TSC2: variants seen among roughly 807,000 people sequenced by gnomAD.
TSC2 encodes the protein TSC complex subunit 2, also known as tuberin.
In TSC2, 29 loss-of-function variants were observed where a neutral mutation model predicts 202.2. The ratio of observed to expected loss-of-function variants is 0.14; its 90% CI spans 0.11 to 0.20. The LOEUF (loss-of-function observed/expected upper bound fraction) is 0.20, where lower values mean the gene tolerates loss of function less well. Ranked by LOEUF, TSC2 falls within the 10% of genes least tolerant of loss-of-function variation. The probability of loss-of-function intolerance (pLI) is 1.00; values close to 1 mark genes in which losing one functional copy is unlikely to be tolerated. For synonymous variants in TSC2, 1,349 were observed against 1,044.0 expected, an observed-to-expected ratio of 1.29 and a Z score of -5.63; for missense variants, 2,429 against 2,420.0, an observed-to-expected ratio of 1.00 and a Z score of -0.08.
chr16:2,080,533 GAACGC>G, intron 30 of TSC2, 156 bp downstream of exon 30: 1 of 838,544 alleles, frequency 1.2e-6, no homozygotes, highest in Non-Finnish European at 1.8e-6. Context: ...GCCCACGCTG[GAACGC>G]AGTGGCGCAA....
At chr16:2,060,201 G>A (rs1009690945) in intron 10 of TSC2, among the ~76,000 whole-genome samples, 1 of 152,208 alleles carries the variant, frequency 6.6e-6, no homozygotes, top group African/African-American at 2.4e-5. Context: ...CTCGTTCTGT[G>A]CTCACAGCTC....
intron 6 of TSC2, 59 bp downstream of exon 6, chr16:2,055,578 A>G: frequency 1.3e-6 from 2 of 1,523,106 alleles, no homozygotes; most frequent in Non-Finnish European, 1.8e-6. Flanking sequence ...TCCGCAGTGA[A>G]TAAAGTTGAA....
chr16:2,071,474 G>C, intron 17 of TSC2, 36 bp from the exon 18 acceptor site: 1 of 1,611,410 alleles, frequency 6.2e-7, no homozygotes, highest in Non-Finnish European at 8.5e-7. Context: ...GCCTGCACGA[G>C]CTTGGCTCTG....
Position 2,077,490 on chromosome 16 carries a change from C to G in TSC2, c.2838-108C>G, listed in dbSNP as rs1365877422. On this transcript the variant is annotated intron_variant, in intron 25 of 41. Transcript: ENST00000219476. ...ATCTCACCCGCGGGATCTCTCCATC[C>G]TGACCCTGTGGCCTGGGACCTTTCC... 7.1e-6 allele frequency: 11 copies of G among 1,548,568 alleles called. No homozygotes were observed. The African/African-American group carries it at 9.5e-5, about 13-fold the overall frequency.
rs771332931 is a variant in TSC2, at chr16:2,077,706, G to C, written c.2946G>C (p.Val982=). 2 of 1,612,988 alleles carry C rather than the reference G, an allele frequency of 1.2e-6. No homozygotes were observed. Among genetic ancestry groups the C allele is most frequent in the Non-Finnish European group, 1.7e-6 (2 of 1,180,028 alleles). ...CCTTCCGGTGCCGCAGCATCAGTGT[G>C]TCTGAACATGTGGTCCGCAGGTAGC... ...AEAFRCRSIS[V]SEHVVRSRIQ... is the part of the protein sequence containing the mutation. The change falls in exon 26 of 42, where the codon GTG becomes GTC. Residue 982 remains valine, a synonymous_variant. Transcript: ENST00000219476.
chr16:2,072,644 C>T (rs886113297), intron 20 of TSC2: 64 of 858,644 alleles, frequency 7.5e-5, no homozygotes, highest in Middle Eastern at 7.1e-4. Flanking sequence ...GCTCCCGTGC[C>T]GTTCACCTCA....
chr16:2,082,014 A>G (rs1348602884), intron 31 of TSC2: 2 of 697,676 alleles, frequency 2.9e-6, no homozygotes, highest in Non-Finnish European at 4.9e-6. Context: ...CTTCAGAAGC[A>G]GTAGGGGCCC....
intron 17 of TSC2, 27 bp downstream of exon 17, chr16:2,070,605 G>T: frequency 6.2e-7 from 1 of 1,612,682 alleles, no homozygotes. Context: ...TGCGCAGCCA[G>T]TTCCTGGGGG....
chr16:2,056,175 T>C (rs1022599845), intron 6 of TSC2, 21 bp from the exon 7 acceptor site: 2 of 1,613,596 alleles, frequency 1.2e-6, no homozygotes, highest in African/African-American at 1.3e-5. Flanking sequence ...CTGCCGGGAC[T>C]GAGCTCGGTG....
At chr16:2,071,472 G>C (rs376427418) in intron 17 of TSC2, 38 bp from the exon 18 acceptor site, 2 of 1,611,008 alleles carry the variant, frequency 1.2e-6, no homozygotes, top group South Asian at 2.2e-5. Flanking sequence ...GGGCCTGCAC[G>C]AGCTTGGCTC....
intron 37 of TSC2, 130 bp from the exon 38 acceptor site, chr16:2,086,602 G>A (rs748140407): frequency 1.8e-5 from 26 of 1,474,242 alleles, no homozygotes; most frequent in Non-Finnish European, 2.4e-5. Context: ...AGGACCACTG[G>A]CCAGGCACCA....
intron 14 of TSC2, chr16:2,063,757 G>C: frequency 4.5e-5 from 9 of 200,472 alleles, no homozygotes; most frequent in South Asian, 3.4e-4. Flanking sequence ...GGGTCCTCTG[G>C]CTTCTCCCAT....
chr16:2,048,577 G>C lies in TSC2; in HGVS notation c.-29-10G>C, dbSNP rs28537973. On this transcript the variant is annotated splice_polypyrimidine_tract_variant and intron_variant, in intron 1 of 41. Coordinates refer to ENST00000219476, the MANE Select transcript of TSC2 (RefSeq NM_000548.5). ...GCTCAGATGTCCCCATTCCTGTTTC[G>C]TTTGCACAGAGGGGTTTTCTGGTGC... 983 of 1,613,440 alleles carry C rather than the reference G, an allele frequency of 6.1e-4. 11 individuals are homozygous for C. The African/African-American group carries it at 0.012, about 19-fold the overall frequency.
chr16:2,062,521 T>C lies in TSC2; in HGVS notation c.1282T>C (p.Ser428Pro). ...RPESSLLNLI[S>P]YRAQSIHPAK... is the part of the protein sequence containing the mutation. ...GGAGTCCTCCCTCCTGAACCTGATC[T>C]CCTATAGAGCGCAGTCCATCCACCC... The change falls in exon 13 of 42, where the codon TCC (serine) becomes CCC (proline). Residue 428 changes from serine to proline, a missense_variant. Physicochemically the swap from Ser to Pro is moderately conservative, Grantham distance 74. Coordinates refer to ENST00000219476, the MANE Select transcript of TSC2 (RefSeq NM_000548.5). The C allele has an allele frequency of 6.2e-7, 1 of 1,612,040 alleles. No individual in the cohort carries two copies. Among genetic ancestry groups the C allele is most frequent in the Non-Finnish European group, 8.5e-7 (1 of 1,179,086 alleles).
intron 10 of TSC2, among the ~76,000 whole-genome samples, chr16:2,060,325 G>A (rs1235533702): frequency 1.3e-5 from 2 of 152,184 alleles, no homozygotes; most frequent in South Asian, 2.1e-4. Context: ...CCGTAGGGGC[G>A]GTGGGGGGAT....
intron 3 of TSC2, among the ~76,000 whole-genome samples, chr16:2,051,327 A>T (rs901328600): frequency 6.6e-6 from 1 of 152,050 alleles, no homozygotes; most frequent in Non-Finnish European, 1.5e-5. Flanking sequence ...CTCAAAAAAA[A>T]AAAAAAGGAA....
intron 26 of TSC2, chr16:2,078,509 T>C (rs1163723081): frequency 5.0e-6 from 1 of 201,954 alleles, no homozygotes; most frequent in East Asian, 1.3e-4. Flanking sequence ...ATGAGCAAAA[T>C]ATTGCCTAGG....
chr16:2,080,256 C>T lies in TSC2; in HGVS notation c.3489C>T (p.Ala1163=), dbSNP rs200346578. 1.4e-4 allele frequency: 231 copies of T among 1,612,870 alleles called. No individual in the cohort carries two copies. Among genetic ancestry groups the T allele is most frequent in the Admixed American group, 4.2e-4 (25 of 60,012 alleles). Residue 1163 remains alanine (A), a synonymous_variant, in exon 30 of 42, where the codon GCC becomes GCT. Coordinates refer to ENST00000219476, the MANE Select transcript of TSC2 (RefSeq NM_000548.5). ...ATSPGPRTAP[A]AKPEKASAGT... ...CTCCAGGACCACGGACTGCACCAGC[C>T]GCGAAACCTGAGAAGGCCTCAGCTG...
At chr16:2,080,092 G>A (rs1035699234) in intron 29 of TSC2, 73 bp from the exon 30 acceptor site, 2 of 1,592,176 alleles carry the variant, frequency 1.3e-6, no homozygotes, top group East Asian at 2.2e-5. Flanking sequence ...GGCTCGGGGG[G>A]AGCATTCAGC....
Sources: allele counts gnomAD v4.1 joint callset (sites outside exome capture counted in the v4.1 genomes callset), GRCh38; gene constraint gnomAD v4.1.1; transcripts MANE v1.5; gene names NCBI Gene and HGNC (gene_info 2026-07-23, HGNC 2026-07-21).